The following PPP3CB variants were observed in gnomAD, a reference collection of about 807,000 sequenced individuals.
PPP3CB encodes the protein serine/threonine-protein phosphatase 2B catalytic subunit beta isoform.
Under a neutral mutation model 66.4 loss-of-function variants are expected in PPP3CB, and 8 were observed. That is an observed-to-expected ratio of 0.12 (90% CI 0.07 to 0.22). The LOEUF is 0.22. Among genes scored for constraint, PPP3CB ranks in the 10% least tolerant of loss-of-function variants. The probability of loss-of-function intolerance (pLI) is 1.00; values close to 1 mark genes in which losing one functional copy is unlikely to be tolerated. For synonymous variants in PPP3CB, 208 were observed against 221.2 expected, an observed-to-expected ratio of 0.94 and a Z score of 0.53; for missense variants, 319 against 642.5, an observed-to-expected ratio of 0.50 and a Z score of 5.44.
chr10:73,459,298 C>T (rs923065639), intron 9 of PPP3CB, among the ~76,000 whole-genome samples: 1 of 152,074 alleles, frequency 6.6e-6, no homozygotes, highest in Admixed American at 6.6e-5. Context: ...ATCATCCTGG[C>T]TACACAGTGA....
At chr10:73,478,773 T>C in intron 2 of PPP3CB, 150 bp from the exon 3 acceptor site, 1 of 668,398 alleles carries the variant, frequency 1.5e-6, no homozygotes, top group Non-Finnish European at 2.5e-6. Context: ...ATGATTAGGA[T>C]GATGTGTAAC....
At position 73,471,693 on chromosome 10, in the gene PPP3CB, T is replaced by C. The variant is rs2056704211; in HGVS notation, c.524-80A>G. 3 of 1,141,188 alleles carry C rather than the reference T, an allele frequency of 2.6e-6. No individual in the cohort carries two copies. The East Asian group carries it at 7.6e-5, about 29-fold the overall frequency. 70.7% of individuals were successfully genotyped at this position (1,141,188 alleles called of 1,614,324 possible). A position where few individuals can be genotyped will look rare whatever the true frequency, so the allele number is the denominator to read the frequency against. On this transcript the variant is annotated intron_variant, in intron 4 of 13. Transcript: ENST00000360663. Reference sequence around the variant, plus strand: ...TTTAAAAACATATATATTAGATTTTTATTTCTTGTTCTCTCCCCTCCTTTA... The same window carrying C: ...TTTAAAAACATATATATTAGATTTTCATTTCTTGTTCTCTCCCCTCCTTTA...
intron 8 of PPP3CB, among the ~76,000 whole-genome samples, chr10:73,470,031 A>G (rs2056678435): frequency 6.6e-6 from 1 of 152,224 alleles, no homozygotes; most frequent in African/African-American, 2.4e-5. Flanking sequence ...TCTGTCAATA[A>G]ACTGTATTCA....
In PPP3CB at chr10:73,446,170, GCT is replaced by G. The variant is rs979461125; in HGVS notation, c.1268+320_1268+321del. Among the ~76,000 whole-genome samples, 7 of 151,126 alleles carry G rather than the reference GCT, an allele frequency of 4.6e-5. No individual in the cohort carries two copies. The South Asian group carries it at 1.0e-3, about 23-fold the overall frequency. ...CCCAGTCTGGAGTGGCGCAGTCTCG[GCT>G]CACCGCAACTTCTGCCTCCTGGGTT... On this transcript the variant is annotated intron_variant, in intron 11 of 13. Coordinates refer to ENST00000360663, the MANE Select transcript of PPP3CB (RefSeq NM_021132.4).
intron 3 of PPP3CB, among the ~76,000 whole-genome samples, chr10:73,476,926 C>A (rs931149822): frequency 1.3e-5 from 2 of 151,950 alleles, no homozygotes; most frequent in Non-Finnish European, 2.9e-5. Flanking sequence ...CCTAGCACAC[C>A]TCAGAAAAAA....
chr10:73,457,893 A>T (rs1165001536), intron 9 of PPP3CB, among the ~76,000 whole-genome samples: 1 of 152,212 alleles, frequency 6.6e-6, no homozygotes, highest in Non-Finnish European at 1.5e-5. Context: ...AAAATACTGC[A>T]TGTTCTCATA....
chr10:73,470,061 T>C (rs2056678744), intron 8 of PPP3CB, among the ~76,000 whole-genome samples: 1 of 152,110 alleles, frequency 6.6e-6, no homozygotes, highest in South Asian at 2.1e-4. Context: ...GAAATCCAAT[T>C]ACTATAGACA....
rs537457428 is a variant in PPP3CB at position 73,436,534 on chromosome 10, A to T, written c.*1708T>A. 1.6e-4 allele frequency: 25 copies of T among 152,334 alleles called. No individual in the cohort carries two copies. Among genetic ancestry groups the T allele is most frequent in the African/African-American group, 6.0e-4 (25 of 41,578 alleles). The allele number at this position is 152,334 out of a possible 1,614,324, so 9.4% of individuals were successfully genotyped here. On this transcript the variant is annotated 3_prime_UTR_variant, in exon 14 of 14. Coordinates refer to ENST00000360663, the MANE Select transcript of PPP3CB (RefSeq NM_021132.4). ...ACATATTTTCTTTCAATTAAAAGACAATAAACAGTGATCTTAAATATTAGA... is the reference window on the plus strand; with the variant it reads ...ACATATTTTCTTTCAATTAAAAGACTATAAACAGTGATCTTAAATATTAGA...
intron 12 of PPP3CB, chr10:73,444,447 T>G (rs2056212931): frequency 3.5e-6 from 3 of 862,268 alleles, no homozygotes; most frequent in Non-Finnish European, 5.1e-6. Flanking sequence ...AAATAAATAT[T>G]TCAGACATTA....
At chr10:73,475,934 G>A (rs538033210) in intron 3 of PPP3CB, among the ~76,000 whole-genome samples, 1 of 152,270 alleles carries the variant, frequency 6.6e-6, no homozygotes, top group East Asian at 1.9e-4. Context: ...ACTGCTCACT[G>A]CAGCCTCGAC....
chr10:73,442,865 A>T (rs529534971), intron 12 of PPP3CB, among the ~76,000 whole-genome samples: 3 of 152,106 alleles, frequency 2.0e-5, no homozygotes, highest in African/African-American at 7.2e-5. Context: ...CTACAAGTAA[A>T]AATTGTTTAC....
At chr10:73,478,455 G>A (rs2056825435) in intron 3 of PPP3CB, 44 bp downstream of exon 3, 1 of 1,560,446 alleles carries the variant, frequency 6.4e-7, no homozygotes, top group Non-Finnish European at 8.8e-7. Context: ...AAGCATCTGT[G>A]TTAACACTTA....
At chr10:73,495,074 G>T (rs551911402) in intron 1 of PPP3CB, among the ~76,000 whole-genome samples, 1 of 152,294 alleles carries the variant, frequency 6.6e-6, no homozygotes, top group African/African-American at 2.4e-5. Flanking sequence ...TGAATGTGTG[G>T]GTGTGTGTTT....
intron 1 of PPP3CB, among the ~76,000 whole-genome samples, chr10:73,487,752 G>C (rs2057006395): frequency 6.6e-6 from 1 of 151,640 alleles, no homozygotes; most frequent in African/African-American, 2.4e-5. Flanking sequence ...ATGATTCCCA[G>C]GGACATCCTT....
intron 9 of PPP3CB, among the ~76,000 whole-genome samples, chr10:73,463,861 T>A (rs2056572354): frequency 6.6e-6 from 1 of 152,076 alleles, no homozygotes; most frequent in African/African-American, 2.4e-5. Context: ...GGTCTCGATC[T>A]CCTGACCTCG....
At chr10:73,468,756 T>C (rs1203237504) in intron 8 of PPP3CB, among the ~76,000 whole-genome samples, 1 of 152,228 alleles carries the variant, frequency 6.6e-6, no homozygotes, top group African/African-American at 2.4e-5. Context: ...TATATGTTTG[T>C]TTCCCATATG....
Position 73,443,281 on chromosome 10 carries a change from A to AC in PPP3CB, c.1366+1443_1366+1444insG, listed in dbSNP as rs1310023760. Among the ~76,000 whole-genome samples the AC allele has an allele frequency of 6.3e-3, 835 of 132,376 alleles. 15 individuals are homozygous for AC. Among genetic ancestry groups the AC allele is most frequent in the African/African-American group, 0.025 (790 of 31,082 alleles). The allele number at this position is 132,376 out of a possible 152,430, so 86.8% of individuals were successfully genotyped here. A position where few individuals can be genotyped will look rare whatever the true frequency, so the allele number is the denominator to read the frequency against. ...GAGAGAGAGAGAGAAAGAAAGAAAGAAAGACAGAAAGAAAGAAAGAAAGAA... is the reference window on the plus strand; with the variant it reads ...GAGAGAGAGAGAGAAAGAAAGAAAGACAAGACAGAAAGAAAGAAAGAAAGAA... On this transcript the variant is annotated intron_variant, in intron 12 of 13. Coordinates refer to ENST00000360663, the MANE Select transcript of PPP3CB (RefSeq NM_021132.4).
intron 9 of PPP3CB, among the ~76,000 whole-genome samples, chr10:73,465,915 T>C (rs2056611053): frequency 1.3e-5 from 2 of 152,210 alleles, no homozygotes; most frequent in South Asian, 4.1e-4. Context: ...GCTTTACATT[T>C]TTAGAGAGAT....
At chr10:73,477,078 A>G in intron 3 of PPP3CB, 1 of 496,930 alleles carries the variant, frequency 2.0e-6, no homozygotes, top group South Asian at 1.5e-5. Flanking sequence ...CTGTTTACTA[A>G]TAATACCTTG....
Sources: allele counts gnomAD v4.1 joint callset (sites outside exome capture counted in the v4.1 genomes callset), GRCh38; gene constraint gnomAD v4.1.1; transcripts MANE v1.5; gene names NCBI Gene and HGNC (gene_info 2026-07-23, HGNC 2026-07-21).